CLOCK: variants seen among roughly 807,000 people sequenced by gnomAD.
CLOCK encodes circadian locomoter output cycles protein kaput.
Under a neutral mutation model 118.4 loss-of-function variants are expected in CLOCK, and 43 were observed. The ratio of observed to expected loss-of-function variants is 0.36; its 90% CI spans 0.28 to 0.47. The LOEUF is 0.47. Ranked by LOEUF, CLOCK falls within the 20% of genes least tolerant of loss-of-function variation. CLOCK has a pLI of 1.00. For synonymous variants in CLOCK, 326 were observed against 339.2 expected, an observed-to-expected ratio of 0.96 and a Z score of 0.43; for missense variants, 846 against 999.9, an observed-to-expected ratio of 0.85 and a Z score of 2.08.
chr4:55,510,822 T>C (rs944597793), intron 1 of CLOCK, among the ~76,000 whole-genome samples: 4 of 151,886 alleles, frequency 2.6e-5, no homozygotes, highest in Admixed American at 1.3e-4. Flanking sequence ...AGAAGTCCAA[T>C]GTAGATGTTC....
At chr4:55,541,399 A>G (rs1295068796) in intron 1 of CLOCK, among the ~76,000 whole-genome samples, 1 of 152,234 alleles carries the variant, frequency 6.6e-6, no homozygotes, top group Admixed American at 6.5e-5. Context: ...AATGCCTACA[A>G]GGAACTTAAA....
intron 2 of CLOCK, among the ~76,000 whole-genome samples, chr4:55,506,065 CTCTT>C (rs1473123375): frequency 6.6e-6 from 1 of 152,078 alleles, no homozygotes; most frequent in Non-Finnish European, 1.5e-5. Context: ...CCTATTTTCT[CTCTT>C]TTTTTGTTTT....
At chr4:55,457,241 AT>A (rs776234283) in intron 11 of CLOCK, among the ~76,000 whole-genome samples, 1 of 152,006 alleles carries the variant, frequency 6.6e-6, no homozygotes, top group Non-Finnish European at 1.5e-5. Flanking sequence ...CAATCACACA[AT>A]TTTCCGTATT....
In CLOCK at chr4:55,429,248, C is replaced by T. The variant is rs1453284773; in HGVS notation, c.*6167G>A. 6.6e-6 allele frequency: 1 copy of T among 152,102 alleles called. No homozygotes were observed. Among genetic ancestry groups the T allele is most frequent in the Non-Finnish European group, 1.5e-5 (1 of 68,024 alleles). The allele number at this position is 152,102 out of a possible 1,614,324, so 9.4% of individuals were successfully genotyped here. ...TTGAAAACGTATCTTCAGTTTAACC[C>T]TCAGAGTTAAGAAATATTTTTTAGA... On this transcript the variant is annotated 3_prime_UTR_variant, in exon 23 of 23. Transcript: ENST00000513440.
intron 1 of CLOCK, among the ~76,000 whole-genome samples, chr4:55,540,052 G>A (rs1464116163): frequency 6.7e-6 from 1 of 149,342 alleles, no homozygotes; most frequent in East Asian, 2.0e-4. Context: ...CTGTCGCACA[G>A]GCTGGAGTGC....
At chr4:55,451,961 T>C (rs565263423) in intron 15 of CLOCK, among the ~76,000 whole-genome samples, 9 of 152,310 alleles carry the variant, frequency 5.9e-5, no homozygotes, top group Non-Finnish European at 8.8e-5. Context: ...ATCTACCATA[T>C]TGTCCCCTGG....
rs1425472876 is a variant in CLOCK at position 55,478,756 on chromosome 4, G to C, written c.256+59C>G. The C allele has an allele frequency of 2.0e-6, 3 of 1,537,308 alleles. No individual in the cohort carries two copies. In the East Asian group the frequency reaches 6.8e-5, roughly 35 times the overall value. ...GAAGCATCCAATCTTAAGCATCTCT[G>C]CCAAGATTCTAACTAATGCTTTGAG... is the stretch of plus-strand genomic sequence containing the variant. On this transcript the variant is annotated intron_variant, in intron 6 of 22. Coordinates refer to ENST00000513440, the MANE Select transcript of CLOCK (RefSeq NM_004898.4).
At chr4:55,482,914 C>T (rs564199462) in intron 3 of CLOCK, 86 bp from the exon 4 acceptor site, 3 of 603,906 alleles carry the variant, frequency 5.0e-6, no homozygotes, top group South Asian at 2.4e-5. Flanking sequence ...TATATGTTAT[C>T]ACAGAGACTT....
At chr4:55,505,159 A>AG (rs1476356615) in intron 2 of CLOCK, among the ~76,000 whole-genome samples, 1 of 95,884 alleles carries the variant, frequency 1.0e-5, no homozygotes, top group Non-Finnish European at 2.4e-5. Context: ...TCACCCCCCC[A>AG]CCAAAAAAAA....
At chr4:55,456,745 C>CTCAGT (rs1456669204) in intron 11 of CLOCK, among the ~76,000 whole-genome samples, 2 of 152,144 alleles carry the variant, frequency 1.3e-5, no homozygotes, top group Non-Finnish European at 2.9e-5. Context: ...GTGGTGTGAT[C>CTCAGT]TCAGTTCACT....
At chr4:55,534,044 A>G (rs1730723033) in intron 1 of CLOCK, among the ~76,000 whole-genome samples, 1 of 152,230 alleles carries the variant, frequency 6.6e-6, no homozygotes, top group Non-Finnish European at 1.5e-5. Flanking sequence ...TTAAAACATT[A>G]ATGTATAAAG....
intron 1 of CLOCK, among the ~76,000 whole-genome samples, chr4:55,529,994 G>A (rs1730432599): frequency 1.3e-5 from 2 of 152,026 alleles, no homozygotes; most frequent in Non-Finnish European, 2.9e-5. Context: ...AAAGAAATGA[G>A]GATCAATCAA....
chr4:55,544,195 CACA>C (rs1560491577), intron 1 of CLOCK, among the ~76,000 whole-genome samples: 95 of 151,720 alleles, frequency 6.3e-4, no homozygotes, highest in African/African-American at 1.8e-3. Flanking sequence ...CACACACACA[CACA>C]CCCCAATTTA....
intron 1 of CLOCK, among the ~76,000 whole-genome samples, chr4:55,519,224 A>T (rs889123481): frequency 2.6e-5 from 4 of 151,916 alleles, no homozygotes; most frequent in South Asian, 4.2e-4. Flanking sequence ...GCCAATTTTT[A>T]AAAAAAGTTT....
intron 2 of CLOCK, among the ~76,000 whole-genome samples, chr4:55,494,193 T>C (rs182698567): frequency 2.6e-5 from 4 of 152,194 alleles, no homozygotes; most frequent in South Asian, 2.1e-4. Flanking sequence ...GAATTTCACA[T>C]GTAATCAGGT....
chr4:55,460,878 C>T (rs1227709859), intron 9 of CLOCK, among the ~76,000 whole-genome samples: 1 of 152,010 alleles, frequency 6.6e-6, no homozygotes, highest in African/African-American at 2.4e-5. Context: ...GAGCCTACCA[C>T]ATCAAGTCCT....
intron 20 of CLOCK, among the ~76,000 whole-genome samples, chr4:55,443,267 G>A (rs918228863): frequency 6.6e-6 from 1 of 152,064 alleles, no homozygotes; most frequent in Non-Finnish European, 1.5e-5. Flanking sequence ...CTGAGGTCAG[G>A]AGTTTGAGAT....
chr4:55,496,172 G>C (rs1015081141), intron 2 of CLOCK, among the ~76,000 whole-genome samples: 7 of 151,732 alleles, frequency 4.6e-5, no homozygotes, highest in East Asian at 3.9e-4. Context: ...CTAGGTGACA[G>C]AGCGAGAGGT....
chr4:55,509,517 T>C (rs1729010582), intron 2 of CLOCK, among the ~76,000 whole-genome samples: 1 of 152,196 alleles, frequency 6.6e-6, no homozygotes, highest in Non-Finnish European at 1.5e-5. Flanking sequence ...AAAGAGGAGC[T>C]GCAGTCTGGC....
Sources: allele counts gnomAD v4.1 joint callset (sites outside exome capture counted in the v4.1 genomes callset), GRCh38; gene constraint gnomAD v4.1.1; transcripts MANE v1.5; gene names NCBI Gene and HGNC (gene_info 2026-07-23, HGNC 2026-07-21).